Variants in MEIS1 observed in about 807,000 individuals in gnomAD.
The protein encoded by MEIS1 is homeobox protein Meis1.
MEIS1 carries 5 observed loss-of-function variants against 50.8 expected under a neutral mutation model. The ratio of observed to expected loss-of-function variants is 0.10; its 90% CI spans 0.05 to 0.21. The LOEUF (loss-of-function observed/expected upper bound fraction) is 0.21. Ranked by LOEUF, MEIS1 falls within the 10% of genes least tolerant of loss-of-function variation. MEIS1 has a pLI of 1.00. For missense variants in MEIS1, 318 were observed against 517.3 expected, an observed-to-expected ratio of 0.61 and a Z score of 3.74; for synonymous variants, 176 against 179.3, an observed-to-expected ratio of 0.98 and a Z score of 0.15.
intron 7 of MEIS1, 32 bp downstream of exon 7, chr2:66,464,252 G>C (rs1672585383): frequency 1.3e-6 from 2 of 1,513,658 alleles, no homozygotes; most frequent in Non-Finnish European, 1.8e-6. Context: ...TTTGCTACTT[G>C]TTTCATTTTT....
intron 6 of MEIS1, among the ~76,000 whole-genome samples, chr2:66,453,695 T>G (rs1672326456): frequency 2.6e-5 from 4 of 151,946 alleles, no homozygotes. Flanking sequence ...AAAGAAACCA[T>G]AGGGAAATTA....
intron 7 of MEIS1, among the ~76,000 whole-genome samples, chr2:66,494,243 C>G (rs935864301): frequency 2.0e-5 from 3 of 152,154 alleles, no homozygotes; most frequent in African/African-American, 7.2e-5. Context: ...GAAGAGTTAG[C>G]AAACCTCTAG....
chr2:66,494,580 T>C (rs1297081814), intron 7 of MEIS1, among the ~76,000 whole-genome samples: 1 of 152,188 alleles, frequency 6.6e-6, no homozygotes, highest in South Asian at 2.1e-4. Context: ...AAACAGGCCG[T>C]GTAAAGGTGG....
At chr2:66,441,816 T>C in intron 5 of MEIS1, 1 of 230,490 alleles carries the variant, frequency 4.3e-6, no homozygotes, top group Non-Finnish European at 8.3e-6. Flanking sequence ...CTCTTCCTTC[T>C]CTTCTTTGCT....
intron 1 of MEIS1, 89 bp downstream of exon 1, chr2:66,435,957 C>G: frequency 1.6e-6 from 2 of 1,212,528 alleles, no homozygotes; most frequent in Non-Finnish European, 2.2e-6. Context: ...TCCTTTTTTT[C>G]TCTCTCTCTT....
chr2:66,508,858 G>C, intron 7 of MEIS1: 2 of 377,774 alleles, frequency 5.3e-6, no homozygotes, highest in East Asian at 1.5e-4. Flanking sequence ...GAGGCTGTAA[G>C]CTTGTTTATG....
chr2:66,531,125 G>A (rs1674380395), intron 8 of MEIS1, among the ~76,000 whole-genome samples: 3 of 152,226 alleles, frequency 2.0e-5, no homozygotes, highest in South Asian at 4.1e-4. Context: ...TCTGCTGGAA[G>A]CCTTATTTTT....
At chr2:66,489,138 A>G (rs1161680140) in intron 7 of MEIS1, among the ~76,000 whole-genome samples, 1 of 152,236 alleles carries the variant, frequency 6.6e-6, no homozygotes, top group Non-Finnish European at 1.5e-5. Context: ...TTTAAAGAGT[A>G]AGCTCTTTCC....
chr2:66,482,653 T>C (rs1673045921), intron 7 of MEIS1, among the ~76,000 whole-genome samples: 1 of 152,224 alleles, frequency 6.6e-6, no homozygotes, highest in African/African-American at 2.4e-5. Context: ...CCCTTCTGTA[T>C]AGAGGGCATT....
At chr2:66,464,969 A>G (rs935058266) in intron 7 of MEIS1, among the ~76,000 whole-genome samples, 4 of 152,232 alleles carry the variant, frequency 2.6e-5, no homozygotes, top group Non-Finnish European at 4.4e-5. Flanking sequence ...TTTGTGTTCC[A>G]TTAATGCAAT....
intron 7 of MEIS1, among the ~76,000 whole-genome samples, chr2:66,473,378 C>CAAAAA (rs71409174): frequency 1.5e-4 from 8 of 53,942 alleles, no homozygotes; most frequent in Non-Finnish European, 2.1e-4. Context: ...GACTCCATGT[C>CAAAAA]AAAAAAAAAA....
intron 7 of MEIS1, among the ~76,000 whole-genome samples, chr2:66,489,197 T>G (rs1673211642): frequency 6.6e-6 from 1 of 152,236 alleles, no homozygotes; most frequent in East Asian, 1.9e-4. Flanking sequence ...CACTTAATTC[T>G]TAGCAACAAT....
intron 7 of MEIS1, among the ~76,000 whole-genome samples, chr2:66,472,813 A>T (rs2103764315): frequency 6.6e-6 from 1 of 152,204 alleles, no homozygotes; most frequent in Middle Eastern, 3.4e-3. Context: ...CACTGCCATG[A>T]GCCAGCCAGT....
intron 9 of MEIS1, among the ~76,000 whole-genome samples, chr2:66,552,072 GT>G (rs1168154043): frequency 6.6e-6 from 1 of 151,520 alleles, no homozygotes; most frequent in African/African-American, 2.4e-5. Context: ...ATACTTGGTT[GT>G]TTTTTCTCCT....
intron 8 of MEIS1, among the ~76,000 whole-genome samples, chr2:66,530,706 A>C (rs549653318): frequency 2.6e-5 from 3 of 113,446 alleles, no homozygotes; most frequent in Non-Finnish European, 3.7e-5. Flanking sequence ...ACAGAGCAAG[A>C]CTCCAACTCA....
intron 6 of MEIS1, among the ~76,000 whole-genome samples, chr2:66,461,041 A>G (rs964218565): frequency 1.3e-5 from 2 of 152,160 alleles, no homozygotes; most frequent in African/African-American, 4.8e-5. Context: ...AATTATATAC[A>G]TTGAAGAAAA....
intron 7 of MEIS1, among the ~76,000 whole-genome samples, chr2:66,494,171 A>G (rs1017628119): frequency 6.6e-6 from 1 of 152,188 alleles, no homozygotes; most frequent in Non-Finnish European, 1.5e-5. Flanking sequence ...ACTCCTTTCA[A>G]TCAGTTGAAT....
intron 8 of MEIS1, among the ~76,000 whole-genome samples, chr2:66,540,924 T>A (rs1017050985): frequency 1.3e-5 from 2 of 152,160 alleles, no homozygotes; most frequent in Non-Finnish European, 2.9e-5. Context: ...AATATAAGTA[T>A]CTGACTTCTT....
At position 66,440,003 on chromosome 2, in the gene MEIS1, A is replaced by G; in HGVS notation, c.381+19A>G. 6.3e-7 allele frequency: 1 copy of G among 1,593,120 alleles called. No homozygotes were observed. Among genetic ancestry groups the G allele is most frequent in the South Asian group, 1.1e-5 (1 of 88,074 alleles). On this transcript the variant is annotated intron_variant, in intron 3 of 12. Transcript: ENST00000272369. ...CAAACAGGTCAGCAAAATAGATGTTAAAAAGTAAAAGAAACAAAAAGAGAG... is the reference window on the plus strand; with the variant it reads ...CAAACAGGTCAGCAAAATAGATGTTGAAAAGTAAAAGAAACAAAAAGAGAG...
Sources: allele counts gnomAD v4.1 joint callset (sites outside exome capture counted in the v4.1 genomes callset), GRCh38; gene constraint gnomAD v4.1.1; transcripts MANE v1.5; gene names NCBI Gene and HGNC (gene_info 2026-07-23, HGNC 2026-07-21).